NIM1K: variants seen among roughly 807,000 people sequenced by gnomAD.
NIM1K encodes the protein serine/threonine-protein kinase NIM1.
Under a neutral mutation model 37.1 loss-of-function variants are expected in NIM1K, and 35 were observed. The observed-to-expected ratio is 0.94, with a 90% CI of 0.72 to 1.25. NIM1K has a LOEUF of 1.25. Ranked by LOEUF, NIM1K falls within the 50% of genes most tolerant of loss-of-function variation. The pLI is 0.00. For synonymous variants in NIM1K, 234 were observed against 206.6 expected, an observed-to-expected ratio of 1.13 and a Z score of -1.14; for missense variants, 564 against 548.0, an observed-to-expected ratio of 1.03 and a Z score of -0.29.
chr5:43,252,271 G>C (rs1467629696), intron 2 of NIM1K, among the ~76,000 whole-genome samples: 1 of 151,966 alleles, frequency 6.6e-6, no homozygotes, highest in African/African-American at 2.4e-5. Context: ...GTGTGGGTGT[G>C]GGTGGGTGCC....
intron 2 of NIM1K, among the ~76,000 whole-genome samples, chr5:43,252,565 T>TA (rs1342409459): frequency 1.4e-4 from 6 of 41,578 alleles, no homozygotes; most frequent in Admixed American, 1.1e-3. Flanking sequence ...GACAGTAGTC[T>TA]AAAAAATTGA....
chr5:43,195,661 CAAAAA>C (rs10556161), intron 1 of NIM1K, among the ~76,000 whole-genome samples: 6 of 112,048 alleles, frequency 5.4e-5, no homozygotes, highest in Admixed American at 9.3e-5. Context: ...ACTCTGAATC[CAAAAA>C]AAAAAAAAAA....
chr5:43,198,207 C>CTCTTTCTTTCTTTCTTTCTTTCTT (rs1176718462), intron 1 of NIM1K, among the ~76,000 whole-genome samples: 4 of 48,902 alleles, frequency 8.2e-5, no homozygotes, highest in East Asian at 6.9e-4. Flanking sequence ...TTCTTTCTTT[C>CTCTTTCTTTCTTTCTTTCTTTCTT]TCTTTCTTTC....
intron 1 of NIM1K, among the ~76,000 whole-genome samples, chr5:43,208,463 C>T (rs183793650): frequency 5.9e-5 from 9 of 151,936 alleles, no homozygotes; most frequent in Middle Eastern, 3.4e-3. Flanking sequence ...ATTAGCCGGG[C>T]GTGGTGGCAG....
chr5:43,252,974 CTT>C (rs889713648), intron 2 of NIM1K, among the ~76,000 whole-genome samples: 14 of 139,534 alleles, frequency 1.0e-4, no homozygotes, highest in Non-Finnish European at 1.4e-4. Flanking sequence ...TCCTTCCTTC[CTT>C]TTTTTTTTTT....
chr5:43,230,938 A>G (rs1465325864), intron 1 of NIM1K, among the ~76,000 whole-genome samples: 1 of 152,248 alleles, frequency 6.6e-6, no homozygotes, highest in African/African-American at 2.4e-5. Context: ...CAGCATTTCT[A>G]TATGGGTGTG....
At chr5:43,218,821 C>A (rs1362183054) in intron 1 of NIM1K, among the ~76,000 whole-genome samples, 5 of 151,232 alleles carry the variant, frequency 3.3e-5, no homozygotes, top group Admixed American at 3.3e-4. Flanking sequence ...CTCAAGAGAT[C>A]CTGCCACCTC....
intron 1 of NIM1K, among the ~76,000 whole-genome samples, chr5:43,235,845 CTT>C (rs77554972): frequency 6.3e-5 from 9 of 142,596 alleles, no homozygotes; most frequent in Admixed American, 7.1e-5. Context: ...CCCTCCCCAT[CTT>C]TTTTTTTTTT....
At chr5:43,260,178 A>G (rs1026416716) in intron 2 of NIM1K, among the ~76,000 whole-genome samples, 1 of 152,126 alleles carries the variant, frequency 6.6e-6, no homozygotes, top group Admixed American at 6.5e-5. Flanking sequence ...GCAAACAGAG[A>G]TGGTTTGACT....
intron 1 of NIM1K, among the ~76,000 whole-genome samples, chr5:43,215,430 G>A (rs147002953): frequency 6.6e-6 from 1 of 152,068 alleles, no homozygotes; most frequent in Non-Finnish European, 1.5e-5. Context: ...GCCAGCAAAA[G>A]GCCCATCTTT....
chr5:43,278,392 T>C (rs1753386915), intron 3 of NIM1K, among the ~76,000 whole-genome samples: 2 of 152,236 alleles, frequency 1.3e-5, no homozygotes, highest in Non-Finnish European at 2.9e-5. Flanking sequence ...TTTAGATAAA[T>C]CTGGACTCCT....
chr5:43,194,961 A>G (rs188085731), intron 1 of NIM1K: 132 of 152,342 alleles, frequency 8.7e-4, no homozygotes, highest in African/African-American at 3.1e-3. Context: ...TCACATATAT[A>G]GTTTCATTTT....
At chr5:43,216,525 G>T (rs1158450239) in intron 1 of NIM1K, among the ~76,000 whole-genome samples, 1 of 152,230 alleles carries the variant, frequency 6.6e-6, no homozygotes. Context: ...TTGGCACTTA[G>T]TGCATGAAGG....
chr5:43,244,944 C>G (rs931613017), intron 1 of NIM1K, 138 bp from the exon 2 acceptor site: 6 of 152,158 alleles, frequency 3.9e-5, no homozygotes, highest in African/African-American at 1.4e-4. Context: ...CACATGTAAT[C>G]AAGCATCTAC....
intron 1 of NIM1K, among the ~76,000 whole-genome samples, chr5:43,217,406 A>C (rs768295735): frequency 3.3e-5 from 5 of 150,324 alleles, no homozygotes; most frequent in Non-Finnish European, 5.9e-5. Context: ...CTTTTTGGCT[A>C]CTATAAATAA....
At chr5:43,211,009 A>C (rs1015741051) in intron 1 of NIM1K, among the ~76,000 whole-genome samples, 1 of 152,072 alleles carries the variant, frequency 6.6e-6, no homozygotes, top group Admixed American at 6.6e-5. Flanking sequence ...CCATCTCTAC[A>C]CAAAATACAA....
chr5:43,273,116 G>A (rs1407542961), intron 2 of NIM1K, among the ~76,000 whole-genome samples: 2 of 151,998 alleles, frequency 1.3e-5, no homozygotes, highest in Non-Finnish European at 2.9e-5. Flanking sequence ...CCCTTTCTCT[G>A]GGGTTTCTAT....
At chr5:43,253,226 G>GAATATAA (rs1561088084) in intron 2 of NIM1K, among the ~76,000 whole-genome samples, 19 of 145,228 alleles carry the variant, frequency 1.3e-4, no homozygotes, top group African/African-American at 3.6e-4. Context: ...GTGTGTGTGT[G>GAATATAA]TGTGTGTGTG....
chr5:43,214,007 T>A (rs1752261534), intron 1 of NIM1K, among the ~76,000 whole-genome samples: 1 of 149,500 alleles, frequency 6.7e-6, no homozygotes, highest in African/African-American at 2.5e-5. Flanking sequence ...GTCTTACCTT[T>A]TTACCCAGGC....
Sources: allele counts gnomAD v4.1 joint callset (sites outside exome capture counted in the v4.1 genomes callset), GRCh38; gene constraint gnomAD v4.1.1; transcripts MANE v1.5; gene names NCBI Gene and HGNC (gene_info 2026-07-23, HGNC 2026-07-21).